The following EYS variants were observed in gnomAD, a reference collection of about 807,000 sequenced individuals.
EYS encodes EGF-like photoreceptor maintenance factor, also known as protein eyes shut homolog.
In EYS, 250 loss-of-function variants were observed where a neutral mutation model predicts 282.1. The ratio of observed to expected loss-of-function variants is 0.89; its 90% CI spans 0.80 to 0.98. The LOEUF is 0.98. Ranked by LOEUF, EYS falls within the 50% of genes least tolerant of loss-of-function variation. The pLI is 0.00. For synonymous variants in EYS, 1,355 were observed against 1,282.9 expected (o/e 1.06, Z -1.20); for missense variants, 4,016 against 3,709.0 (o/e 1.08, Z -2.15).
intron 1 of EYS, among the ~76,000 whole-genome samples, chr6:65,654,082 T>C (rs767083600): frequency 6.6e-6 from 1 of 151,978 alleles, no homozygotes; most frequent in Non-Finnish European, 1.5e-5. Context: ...TTTTTGTTTT[T>C]AGCATGCCCA....
At chr6:64,326,778 G>A (rs78628296) in intron 29 of EYS, among the ~76,000 whole-genome samples, 3,016 of 151,268 alleles carry the variant, frequency 0.02, 36 homozygotes, top group Non-Finnish European at 0.032. Flanking sequence ...TCCCCCAACA[G>A]CACAAATGGA....
chr6:65,452,350 A>G lies in EYS; in HGVS notation c.862+38244T>C, dbSNP rs573143083. Among the ~76,000 whole-genome samples, 3 of 151,982 alleles carry G rather than the reference A, an allele frequency of 2.0e-5. No individual in the cohort carries two copies. In the South Asian group the frequency reaches 6.2e-4, roughly 32 times the overall value. ...AAGATTTTTTTTTTTACAAAATTAA[A>G]TATTTTCTGAATTAAATAAGATGTT... On this transcript the variant is annotated intron_variant, in intron 5 of 42. Coordinates refer to ENST00000503581, the MANE Select transcript of EYS (RefSeq NM_001142800.2).
intron 2 of EYS, among the ~76,000 whole-genome samples, chr6:65,630,027 C>G (rs1370196784): frequency 3.3e-5 from 5 of 152,144 alleles, no homozygotes; most frequent in African/African-American, 1.2e-4. Context: ...GAACAAGGTA[C>G]AGAACTGGAT....
intron 36 of EYS, among the ~76,000 whole-genome samples, chr6:63,836,511 A>T (rs1377320182): frequency 6.6e-6 from 1 of 152,086 alleles, no homozygotes; most frequent in Non-Finnish European, 1.5e-5. Context: ...GAAGGAAAAA[A>T]GTGAGCATAA....
At chr6:64,375,038 G>C (rs982076354) in intron 29 of EYS, among the ~76,000 whole-genome samples, 1 of 152,172 alleles carries the variant, frequency 6.6e-6, no homozygotes, top group Non-Finnish European at 1.5e-5. Context: ...TTATTTTTAA[G>C]TACTAAGGTT....
chr6:65,091,646 T>C (rs187430557), intron 12 of EYS, among the ~76,000 whole-genome samples: 1 of 152,114 alleles, frequency 6.6e-6, no homozygotes, highest in Non-Finnish European at 1.5e-5. Context: ...GTTTTTATTG[T>C]ATTTATCTGC....
rs147727989 is a variant in EYS, at chr6:64,238,197, T to C, written c.6192-7373A>G. On this transcript the variant is annotated intron_variant, in intron 30 of 42. Transcript: ENST00000503581. The stretch of plus-strand genomic sequence containing the variant: ...TCTTTAGCTATTACACAGTCACAAA[T>C]AGGATTCCTTAGATTACAAGCTTTG... Among the ~76,000 whole-genome samples, 1,013 of 152,308 alleles carry C rather than the reference T, an allele frequency of 6.7e-3. 2 individuals are homozygous for C. The highest frequency in any genetic ancestry group is 0.011 in the Non-Finnish European group (760 of 68,026).
intron 22 of EYS, among the ~76,000 whole-genome samples, chr6:64,676,605 T>C (rs1007196350): frequency 1.3e-5 from 2 of 152,132 alleles, no homozygotes; most frequent in African/African-American, 4.8e-5. Flanking sequence ...ATTTTGTATA[T>C]ATATGTTGTC....
intron 35 of EYS, among the ~76,000 whole-genome samples, chr6:63,941,477 G>A (rs985099861): frequency 5.3e-5 from 8 of 152,152 alleles, no homozygotes; most frequent in South Asian, 2.1e-4. Context: ...CTGCATAAAT[G>A]TCTTCTTTTG....
rs80076545 is a variant in EYS at position 63,777,430 on chromosome 6, G to C, written c.7898+576C>G. Among the ~76,000 whole-genome samples, 161 of 152,270 alleles carry C rather than the reference G, an allele frequency of 1.1e-3. 3 individuals carry two copies. In the East Asian group the frequency reaches 0.025, roughly 24 times the overall value. On this transcript the variant is annotated intron_variant, in intron 40 of 42. Transcript: ENST00000503581. ...TAAGAAATTTATGAGTAGCTAGAGT[G>C]TAAGAAATTAAATGACATAGTGCTT... is the stretch of plus-strand genomic sequence containing the variant.
chr6:65,191,314 G>C (rs1765635951), intron 12 of EYS, among the ~76,000 whole-genome samples: 1 of 151,782 alleles, frequency 6.6e-6, no homozygotes, highest in African/African-American at 2.4e-5. Flanking sequence ...GATAAGAATA[G>C]TGAATATGTT....
At chr6:64,255,850 TCA>T (rs1455410831) in intron 30 of EYS, among the ~76,000 whole-genome samples, 1 of 152,106 alleles carries the variant, frequency 6.6e-6, no homozygotes, top group Non-Finnish European at 1.5e-5. Flanking sequence ...TGTCCATTAT[TCA>T]CATTTATTAT....
intron 31 of EYS, among the ~76,000 whole-genome samples, chr6:64,204,074 C>A (rs1765549593): frequency 6.6e-6 from 1 of 152,016 alleles, no homozygotes; most frequent in African/African-American, 2.4e-5. Flanking sequence ...GGCTAAAATA[C>A]CTGGCATTAA....
intron 29 of EYS, among the ~76,000 whole-genome samples, chr6:64,330,086 C>T (rs779929897): frequency 2.6e-5 from 4 of 152,130 alleles, no homozygotes; most frequent in Non-Finnish European, 5.9e-5. Context: ...TGTCCTGTTG[C>T]AGTATATAGA....
At chr6:64,294,222 A>G (rs1481996837) in intron 30 of EYS, among the ~76,000 whole-genome samples, 1 of 152,174 alleles carries the variant, frequency 6.6e-6, no homozygotes, top group Non-Finnish European at 1.5e-5. Context: ...AAAATACCAA[A>G]CTGGTGAATC....
chr6:65,298,415 C>T (rs897320673), intron 11 of EYS, among the ~76,000 whole-genome samples: 2 of 151,936 alleles, frequency 1.3e-5, no homozygotes, highest in Non-Finnish European at 2.9e-5. Flanking sequence ...AACTAGGAAT[C>T]TGCATTTGGC....
At chr6:64,289,356 T>C (rs1228842838) in intron 30 of EYS, among the ~76,000 whole-genome samples, 3 of 152,048 alleles carry the variant, frequency 2.0e-5, no homozygotes, top group Non-Finnish European at 4.4e-5. Context: ...AAATCTCTTA[T>C]ATATCCACTA....
intron 36 of EYS, among the ~76,000 whole-genome samples, chr6:63,822,823 T>G (rs1235355375): frequency 1.3e-5 from 2 of 152,216 alleles, no homozygotes; most frequent in Non-Finnish European, 1.5e-5. Context: ...CAAGTTCTGA[T>G]TTTAATTGAA....
intron 22 of EYS, among the ~76,000 whole-genome samples, chr6:64,657,849 C>T (rs1416428558): frequency 2.0e-5 from 3 of 152,044 alleles, no homozygotes; most frequent in African/African-American, 4.8e-5. Flanking sequence ...TTGCTCTTCT[C>T]GAGGAGTATC....
Sources: gnomAD v4.1 joint callset for allele counts (sites outside exome capture counted in the v4.1 genomes callset) on GRCh38, gnomAD v4.1.1 for gene constraint, MANE v1.5 for transcripts, NCBI Gene and HGNC (gene_info 2026-07-23, HGNC 2026-07-21) for gene names.